Variants in AGBL1 observed in about 807,000 individuals in gnomAD.
AGBL1 encodes cytosolic carboxypeptidase 4.
Under a neutral mutation model 118.9 loss-of-function variants are expected in AGBL1, and 130 were observed. That is an observed-to-expected ratio of 1.09 (90% confidence interval 0.95 to 1.26). AGBL1 has a LOEUF of 1.26. AGBL1 is among the 50% of genes most tolerant of loss of function. AGBL1 has a pLI of 0.00. For missense variants in AGBL1, 1,584 were observed against 1,298.1 expected (o/e 1.22, Z -3.38); for synonymous variants, 555 against 478.9 (o/e 1.16, Z -2.08).
At chr15:86,933,415 A>G (rs1248268712) in intron 23 of AGBL1, among the ~76,000 whole-genome samples, 3 of 152,212 alleles carry the variant, frequency 2.0e-5, no homozygotes, top group Non-Finnish European at 4.4e-5. Flanking sequence ...CATAATTTCT[A>G]TAGCTCATTA....
chr15:86,420,983 A>T (rs1353715479), intron 18 of AGBL1, among the ~76,000 whole-genome samples: 1 of 152,224 alleles, frequency 6.6e-6, no homozygotes, highest in Admixed American at 6.5e-5. Context: ...TCTATGTTTG[A>T]TTGGTGTACC....
At chr15:86,483,610 G>C (rs535920309) in intron 18 of AGBL1, among the ~76,000 whole-genome samples, 1 of 152,136 alleles carries the variant, frequency 6.6e-6, no homozygotes, top group African/African-American at 2.4e-5. Flanking sequence ...TTCAGTTTCA[G>C]GCTTGCTCCA....
intron 5 of AGBL1, among the ~76,000 whole-genome samples, chr15:86,186,774 C>G (rs962453573): frequency 6.6e-6 from 1 of 152,152 alleles, no homozygotes; most frequent in African/African-American, 2.4e-5. Flanking sequence ...TATGTACATT[C>G]TCTTATTTAA....
chr15:86,320,207 G>C (rs1488275856), intron 17 of AGBL1, among the ~76,000 whole-genome samples: 1 of 152,128 alleles, frequency 6.6e-6, no homozygotes. Flanking sequence ...GGGAAAAAAG[G>C]ACATTCCTAT....
rs397854519 is a variant in AGBL1, at chr15:86,234,550, CAAAAAAAAAAAAA to C, written c.526+9610_526+9622del. On this transcript the variant is annotated intron_variant, in intron 6 of 22. Transcript: ENST00000614907. ...TGGGCGACAGAGTGAGACTCTATCT[CAAAAAAAAAAAAA>C]AAAAAAAAAAGAGTAAGTCACAGTG... Among the ~76,000 whole-genome samples the C allele has an allele frequency of 2.5e-4, 19 of 76,322 alleles. 1 individual carries two copies. Among genetic ancestry groups the C allele is most frequent in the African/African-American group, 9.2e-4 (18 of 19,514 alleles). The allele number at this position is 76,322 out of a possible 152,430, so 50.1% of individuals were successfully genotyped here.
At chr15:86,505,298 A>G (rs1258700475) in intron 18 of AGBL1, among the ~76,000 whole-genome samples, 1 of 146,916 alleles carries the variant, frequency 6.8e-6, no homozygotes, top group Non-Finnish European at 1.5e-5. Flanking sequence ...AATGTTTTTC[A>G]CTAAGTTTAG....
intron 22 of AGBL1, among the ~76,000 whole-genome samples, chr15:86,768,624 A>C (rs2078129598): frequency 6.6e-6 from 1 of 151,992 alleles, no homozygotes; most frequent in African/African-American, 2.4e-5. Context: ...CTGACCTGAC[A>C]ACCTAGTGAT....
At chr15:86,754,614 C>T (rs1043488060) in intron 22 of AGBL1, among the ~76,000 whole-genome samples, 2 of 152,002 alleles carry the variant, frequency 1.3e-5, no homozygotes, top group African/African-American at 2.4e-5. Context: ...GTATACCCAC[C>T]CCAAGTGAGT....
chr15:86,505,223 A>T (rs867486364), intron 18 of AGBL1, among the ~76,000 whole-genome samples: 18 of 152,000 alleles, frequency 1.2e-4, no homozygotes, highest in Middle Eastern at 3.4e-3. Context: ...TTACATGTCT[A>T]GGTGTGGACC....
At chr15:86,261,697 C>A (rs113875213) in intron 9 of AGBL1, among the ~76,000 whole-genome samples, 7 of 151,822 alleles carry the variant, frequency 4.6e-5, no homozygotes, top group South Asian at 2.1e-4. Flanking sequence ...TTCCTGGTGT[C>A]TTTTCTCTGT....
At chr15:87,030,478 T>C (rs1313574159), downstream of AGBL1, among the ~76,000 whole-genome samples, 1 of 151,990 alleles carries the variant, frequency 6.6e-6, no homozygotes, top group Non-Finnish European at 1.5e-5. Flanking sequence ...TTTACAACTC[T>C]TTGCTTGACC....
intron 22 of AGBL1, among the ~76,000 whole-genome samples, chr15:86,755,969 A>G (rs1161756796): frequency 1.3e-5 from 2 of 152,148 alleles, no homozygotes; most frequent in East Asian, 1.9e-4. Context: ...ATGAAAAAAG[A>G]TGGCTAGAGG....
chr15:86,307,209 T>C (rs1400711097), intron 17 of AGBL1, among the ~76,000 whole-genome samples: 2 of 152,194 alleles, frequency 1.3e-5, no homozygotes, highest in Non-Finnish European at 1.5e-5. Flanking sequence ...GTGATTTTCA[T>C]TTCTTCCTTT....
At chr15:86,106,488 A>G (rs540882034) in intron 1 of AGBL1, among the ~76,000 whole-genome samples, 4 of 152,190 alleles carry the variant, frequency 2.6e-5, no homozygotes, top group Non-Finnish European at 5.9e-5. Flanking sequence ...TTCCAGGGCA[A>G]TTTTGCCCCC....
chr15:86,486,122 G>C (rs2082709563), intron 18 of AGBL1, among the ~76,000 whole-genome samples: 1 of 152,014 alleles, frequency 6.6e-6, no homozygotes, highest in Non-Finnish European at 1.5e-5. Context: ...TTATATAATG[G>C]CTGGCTGACA....
At chr15:86,465,634 T>C (rs185015641) in intron 18 of AGBL1, among the ~76,000 whole-genome samples, 10 of 152,224 alleles carry the variant, frequency 6.6e-5, no homozygotes, top group Admixed American at 6.5e-4. Context: ...TGTGTCTGTC[T>C]TATGCAGTTG....
At chr15:86,156,953 C>G (rs113238054) in intron 4 of AGBL1, among the ~76,000 whole-genome samples, 41 of 151,978 alleles carry the variant, frequency 2.7e-4, no homozygotes, top group African/African-American at 9.2e-4. Flanking sequence ...CTACACCTGG[C>G]TAATTTTTGT....
chr15:86,190,892 G>C (rs2077708628), intron 5 of AGBL1, among the ~76,000 whole-genome samples: 1 of 152,082 alleles, frequency 6.6e-6, no homozygotes, highest in Non-Finnish European at 1.5e-5. Flanking sequence ...TTTAAGCTGG[G>C]GAAAACATTA....
At chr15:86,312,368 C>T (rs999979971) in intron 17 of AGBL1, 1 of 152,190 alleles carries the variant, frequency 6.6e-6, no homozygotes, top group South Asian at 2.1e-4. Context: ...GCTGGGAGCT[C>T]ACTTCACTGA....
Sources: allele counts gnomAD v4.1 joint callset (sites outside exome capture counted in the v4.1 genomes callset), GRCh38; gene constraint gnomAD v4.1.1; transcripts MANE v1.5; gene names NCBI Gene and HGNC (gene_info 2026-07-23, HGNC 2026-07-21).